The following OTOA variants were observed in gnomAD, a reference collection of about 807,000 sequenced individuals.
OTOA encodes otoancorin.
A neutral mutation model predicts 110.8 loss-of-function variants in OTOA; 70 were observed. That is an observed-to-expected ratio of 0.63 (90% CI 0.52 to 0.77). The LOEUF (loss-of-function observed/expected upper bound fraction) is 0.77, where lower values mean the gene tolerates loss of function less well. Among genes scored for constraint, OTOA ranks in the 30% least tolerant of loss-of-function variants. OTOA has a pLI of 0.00. For missense variants in OTOA, 917 were observed against 1,075.8 expected, an observed-to-expected ratio of 0.85 and a Z score of 2.06; for synonymous variants, 373 against 431.5, an observed-to-expected ratio of 0.86 and a Z score of 1.68.
chr16:21,753,889 C>T (rs979546651), intron 27 of OTOA, among the ~76,000 whole-genome samples: 1 of 130,114 alleles, frequency 7.7e-6, no homozygotes, highest in African/African-American at 2.8e-5. Context: ...GGTGAAACCC[C>T]ATCTCTATGA....
At chr16:21,695,882 TA>T (rs1897923622) in intron 9 of OTOA, among the ~76,000 whole-genome samples, 4 of 49,606 alleles carry the variant, frequency 8.1e-5, no homozygotes, top group African/African-American at 4.2e-4. Context: ...TATATATATA[TA>T]TATATATATT....
At chr16:21,684,146 A>G (rs1162057915) in intron 6 of OTOA, among the ~76,000 whole-genome samples, 2 of 151,982 alleles carry the variant, frequency 1.3e-5, no homozygotes, top group African/African-American at 4.8e-5. Flanking sequence ...AAAAATGTGT[A>G]GTTTTTCCCG....
intron 8 of OTOA, among the ~76,000 whole-genome samples, chr16:21,690,099 T>C (rs1287690831): frequency 2.0e-5 from 3 of 152,114 alleles, no homozygotes; most frequent in Admixed American, 6.6e-5. Flanking sequence ...ACAATATGTA[T>C]GGAATATTCT....
intron 14 of OTOA, among the ~76,000 whole-genome samples, chr16:21,715,457 A>C (rs1433606443): frequency 1.4e-5 from 2 of 138,918 alleles, no homozygotes; most frequent in African/African-American, 5.5e-5. Flanking sequence ...TTTTTTTTTG[A>C]GACAGTCTTT....
At chr16:21,714,344 T>C (rs879301056) in intron 13 of OTOA, among the ~76,000 whole-genome samples, 3,639 of 91,040 alleles carry the variant, frequency 0.04, 62 homozygotes, top group Non-Finnish European at 0.055. Flanking sequence ...TTTCTTTCTT[T>C]CTTTCTTTCC....
At chr16:21,666,506 TCA>T (rs1472617191) in intron 1 of OTOA, among the ~76,000 whole-genome samples, 2 of 152,152 alleles carry the variant, frequency 1.3e-5, no homozygotes, top group African/African-American at 4.8e-5. Context: ...CTTTCTGGTT[TCA>T]AAATGGAAAG....
At chr16:21,711,299 G>C (rs1430359069) in intron 13 of OTOA, among the ~76,000 whole-genome samples, 1 of 152,136 alleles carries the variant, frequency 6.6e-6, no homozygotes, top group African/African-American at 2.4e-5. Context: ...TGCAGAGAGG[G>C]AACTGTCAGG....
intron 18 of OTOA, among the ~76,000 whole-genome samples, chr16:21,725,700 T>C (rs1261323682): frequency 1.3e-5 from 2 of 152,146 alleles, no homozygotes; most frequent in Non-Finnish European, 2.9e-5. Context: ...GGGAAGACGT[T>C]GTATCTGGTT....
chr16:21,736,675 A>G (rs1201954274), intron 22 of OTOA, among the ~76,000 whole-genome samples: 10 of 152,126 alleles, frequency 6.6e-5, no homozygotes, highest in Non-Finnish European at 1.2e-4. Context: ...TACTAGAAAC[A>G]CAAAAATTAG....
At chr16:21,675,305 C>CTTT (rs1460187658) in intron 1 of OTOA, among the ~76,000 whole-genome samples, 1 of 103,578 alleles carries the variant, frequency 9.7e-6, no homozygotes, top group Admixed American at 1.2e-4. Context: ...CCACACCTGG[C>CTTT]TATTTTTTTT....
chr16:21,672,576 T>C (rs934063878), intron 1 of OTOA, among the ~76,000 whole-genome samples: 4 of 150,376 alleles, frequency 2.7e-5, no homozygotes, highest in Admixed American at 1.3e-4. Context: ...TGAGCCGAGA[T>C]TGCGCCACTA....
chr16:21,711,376 T>C (rs1898349395), intron 13 of OTOA, among the ~76,000 whole-genome samples: 1 of 152,136 alleles, frequency 6.6e-6, no homozygotes, highest in African/African-American at 2.4e-5. Context: ...GGGTGGAAAA[T>C]GGACATTCTT....
chr16:21,714,316 C>T (rs1597833760), intron 13 of OTOA, among the ~76,000 whole-genome samples: 1 of 127,418 alleles, frequency 7.8e-6, no homozygotes, highest in Non-Finnish European at 1.7e-5. Context: ...TTCCTTCCTT[C>T]CTTCCTTCCT....
intron 15 of OTOA, among the ~76,000 whole-genome samples, chr16:21,718,902 AG>A (rs1455126275): frequency 5.3e-5 from 8 of 152,152 alleles, no homozygotes; most frequent in Admixed American, 3.3e-4. Flanking sequence ...CATGGGGTGT[AG>A]AGAATCATCT....
Position 21,716,915 on chromosome 16 carries a change from A to G in OTOA, c.1497A>G (p.Gln499=), listed in dbSNP as rs1192251708. 2 of 1,613,972 alleles carry G rather than the reference A, an allele frequency of 1.2e-6. No individual in the cohort carries two copies. Among genetic ancestry groups the G allele is most frequent in the South Asian group, 2.2e-5 (2 of 91,074 alleles). Reference sequence around the variant, plus strand: ...CTTCTCGCTTCTGGCAGATGGTCCAAGCGGAAGACACTGCCCCAGGCATCG... The same window carrying G: ...CTTCTCGCTTCTGGCAGATGGTCCAGGCGGAAGACACTGCCCCAGGCATCG... ...QQQGILSKMV[Q]AEDTAPGIVE... The change falls in exon 15 of 29, where the codon CAA becomes CAG. Residue 499 remains glutamine (Q), a synonymous_variant. Transcript: ENST00000646100.
intron 14 of OTOA, 40 bp downstream of exon 14, chr16:21,715,192 G>T (rs1279332030): frequency 1.2e-6 from 2 of 1,613,610 alleles, no homozygotes; most frequent in Non-Finnish European, 1.7e-6. Context: ...CATGTCACAG[G>T]GGGTATGTTT....
intron 5 of OTOA, among the ~76,000 whole-genome samples, chr16:21,681,204 A>C (rs1966887126): frequency 6.6e-6 from 1 of 152,192 alleles, no homozygotes; most frequent in Non-Finnish European, 1.5e-5. Context: ...TATTGCATAC[A>C]GCTTAGAAAT....
At chr16:21,756,769 G>T (rs1410251499) in intron 27 of OTOA, among the ~76,000 whole-genome samples, 1 of 151,418 alleles carries the variant, frequency 6.6e-6, no homozygotes, top group African/African-American at 2.4e-5. Context: ...TTCAGATATT[G>T]TTGGCGGACA....
intron 19 of OTOA, 137 bp downstream of exon 19, chr16:21,726,795 C>G (rs1898932398): frequency 5.6e-6 from 7 of 1,255,488 alleles, no homozygotes; most frequent in Non-Finnish European, 8.0e-6. Context: ...GAAGCTTACT[C>G]TAAAGTTGCT....
Sources: gnomAD v4.1 joint callset for allele counts (sites outside exome capture counted in the v4.1 genomes callset) on GRCh38, gnomAD v4.1.1 for gene constraint, MANE v1.5 for transcripts, NCBI Gene and HGNC (gene_info 2026-07-23, HGNC 2026-07-21) for gene names.